DGKZ: variants seen among roughly 807,000 people sequenced by gnomAD.
The protein encoded by DGKZ is diacylglycerol kinase zeta.
A neutral mutation model predicts 142.5 loss-of-function variants in DGKZ; 45 were observed. That is an observed-to-expected ratio of 0.32 (90% CI 0.25 to 0.40). DGKZ has a LOEUF of 0.40. Ranked by LOEUF, DGKZ falls within the 10% of genes least tolerant of loss-of-function variation. DGKZ has a pLI of 1.00. For missense variants in DGKZ, 755 were observed against 1,306.5 expected (o/e 0.58, Z 6.51); for synonymous variants, 442 against 527.0 (o/e 0.84, Z 2.21).
chr11:46,366,507 C>A (rs1226933939), intron 1 of DGKZ: 19 of 1,587,320 alleles, frequency 1.2e-5, no homozygotes, highest in Non-Finnish European at 1.5e-5. Context: ...TCCTGCAACC[C>A]CCGCTTCATC....
At chr11:46,375,808 C>A in intron 20 of DGKZ, 43 bp from the exon 21 acceptor site, 1 of 1,543,934 alleles carries the variant, frequency 6.5e-7, no homozygotes, top group South Asian at 1.2e-5. Flanking sequence ...GGCACCAAGG[C>A]AGGGCCCTTG....
Position 46,367,087 on chromosome 11 carries a change from GA to G in DGKZ, c.162-202del. 7.2e-7 allele frequency: 1 copy of G among 1,396,756 alleles called. No individual in the cohort carries two copies. The highest frequency in any genetic ancestry group is 9.6e-7 in the Non-Finnish European group (1 of 1,039,718). The allele number at this position is 1,396,756 out of a possible 1,614,324, so 86.5% of individuals were successfully genotyped here. A position where few individuals can be genotyped will look rare whatever the true frequency, so the allele number is the denominator to read the frequency against. On this transcript the variant is annotated intron_variant, in intron 1 of 30. Transcript: ENST00000527911. This position sits in a 1 kb window ranked among gnomAD's most constrained non-coding sequence, Gnocchi z 4.1. ...GCCTGGCTGAGGGTTCCCCACTTGGGAACACTCTGGGCAGTACCCTGAAGCC... is the reference window on the plus strand; with the variant it reads ...GCCTGGCTGAGGGTTCCCCACTTGGGACACTCTGGGCAGTACCCTGAAGCC...
rs762042053 is a variant in DGKZ at position 46,371,391 on chromosome 11, G to T, written c.642+7G>T. On this transcript the variant is annotated splice_region_variant and intron_variant, in intron 7 of 30. Coordinates refer to ENST00000527911, the Ensembl canonical transcript of DGKZ. ...CTCGTGGTGCAAGCAGGCAGTGAGTGGTGCCCCCGCCCCCAGGGCCAGGCC... is the reference window on the plus strand; with the variant it reads ...CTCGTGGTGCAAGCAGGCAGTGAGTTGTGCCCCCGCCCCCAGGGCCAGGCC... The T allele has an allele frequency of 2.7e-5, 44 of 1,613,448 alleles. No individual in the cohort carries two copies. The highest frequency in any genetic ancestry group is 3.5e-5 in the Non-Finnish European group (41 of 1,179,842).
chr11:46,333,655 T>G (rs1206972551), intron 1 of DGKZ, among the ~76,000 whole-genome samples: 1 of 152,274 alleles, frequency 6.6e-6, no homozygotes, highest in East Asian at 1.9e-4. Flanking sequence ...GGAGGCAGCT[T>G]CTGAGACTCC....
chr11:46,374,361 G>A, intron 15 of DGKZ, 38 bp from the exon 16 acceptor site: 1 of 1,613,954 alleles, frequency 6.2e-7, no homozygotes, highest in Non-Finnish European at 8.5e-7. Context: ...GGGCAGGCTG[G>A]GGTGACTCAC....
intron 6 of DGKZ, among the ~76,000 whole-genome samples, chr11:46,370,394 G>A (rs998444610): frequency 2.6e-5 from 4 of 152,194 alleles, no homozygotes; most frequent in Admixed American, 6.5e-5. Context: ...CCAGGCGACC[G>A]CCTAACCCAG....
rs760545534 is a variant in DGKZ at position 46,372,118 on chromosome 11, C to T, written c.875C>T (p.Pro292Leu). 1.2e-6 allele frequency: 2 copies of T among 1,611,958 alleles called. No individual in the cohort carries two copies. The highest frequency in any genetic ancestry group is 1.7e-6 in the Non-Finnish European group (2 of 1,179,398). ...TTCATCATCAGGCCCACCCCCTCCC[C>T]GCTCATGAAGCCCCTGCTGGTGTTT... Residue 292 changes from proline to leucine, a missense_variant, in exon 10 of 31, where the codon CCG becomes CTG. Around this residue, in one of 8 missense-constraint regions of DGKZ, gnomAD observed 142 missense variants for 244.4 expected, o/e 0.58. Coordinates refer to ENST00000527911, the Ensembl canonical transcript of DGKZ. The surrounding 1 kb of genome is among the most constrained non-coding windows in gnomAD (Gnocchi z 5.9).
At chr11:46,358,822 G>A (rs1942316061) in intron 1 of DGKZ, among the ~76,000 whole-genome samples, 1 of 152,180 alleles carries the variant, frequency 6.6e-6, no homozygotes, top group African/African-American at 2.4e-5. Flanking sequence ...GATCAGTAGT[G>A]AAGTTAGTGT....
chr11:46,357,106 G>A (rs925896670), intron 1 of DGKZ, among the ~76,000 whole-genome samples: 1 of 152,126 alleles, frequency 6.6e-6, no homozygotes, highest in South Asian at 2.1e-4. Flanking sequence ...GGAATGGGTT[G>A]GTCATTTGTT....
chr11:46,362,548 G>A (rs1227839903), intron 1 of DGKZ, among the ~76,000 whole-genome samples: 1 of 152,028 alleles, frequency 6.6e-6, no homozygotes, highest in Non-Finnish European at 1.5e-5. Context: ...GGTATCACCA[G>A]GCACTCTCTC....
At chr11:46,351,968 G>C (rs999789827) in intron 1 of DGKZ, among the ~76,000 whole-genome samples, 1 of 152,220 alleles carries the variant, frequency 6.6e-6, no homozygotes, top group South Asian at 2.1e-4. Flanking sequence ...TGGCACAGGA[G>C]CTTGAGAGTT....
chr11:46,335,618 C>G lies in DGKZ; in HGVS notation c.212+2131C>G, dbSNP rs1257148280. 2.0e-5 allele frequency among the ~76,000 whole-genome samples: 3 copies of G among 152,166 alleles called. No individual in the cohort carries two copies. The East Asian group carries it at 5.8e-4, about 29-fold the overall frequency. On this transcript the variant is annotated intron_variant, in intron 1 of 30. Coordinates refer to the DGKZ transcript ENST00000343674. ...TTACCTGTGTGAGGGCGGCAGAAAA[C>G]AACACCAGGGTGGACTCTGCTGTCA...
intron 4 of DGKZ, 36 bp from the exon 5 acceptor site, chr11:46,369,458 T>C: frequency 6.2e-7 from 1 of 1,613,582 alleles, no homozygotes; most frequent in Non-Finnish European, 8.5e-7. Context: ...CGAAGGGAGG[T>C]TCTGACATTT....
At chr11:46,350,227 G>A (rs1361006178) in intron 1 of DGKZ, among the ~76,000 whole-genome samples, 2 of 152,150 alleles carry the variant, frequency 1.3e-5, no homozygotes, top group Non-Finnish European at 1.5e-5. Context: ...AGCTCACTGG[G>A]GCTGGCCTCC....
intron 1 of DGKZ, chr11:46,366,796 GC>G: frequency 6.5e-7 from 1 of 1,547,552 alleles, no homozygotes. Flanking sequence ...TCTGGGGCCT[GC>G]ACGGCTACTA....
chr11:46,360,488 CA>C (rs35812065), intron 1 of DGKZ, among the ~76,000 whole-genome samples: 29,636 of 96,022 alleles, frequency 0.31, 3,609 homozygotes, highest in African/African-American at 0.46. Flanking sequence ...CTTTCCTCAT[CA>C]AAAAAAAAAA....
Position 46,366,359 on chromosome 11 carries a change from C to G in DGKZ, c.162-932C>G, listed in dbSNP as rs369668814. On this transcript the variant is annotated intron_variant, in intron 1 of 30. Transcript: ENST00000527911. Reference sequence around the variant, plus strand: ...GGGGCTGCCCACAGGCAAGGCCCGGCGTCGCTCCCCCGCTGGGCAGGCCTC... The same window carrying G: ...GGGGCTGCCCACAGGCAAGGCCCGGGGTCGCTCCCCCGCTGGGCAGGCCTC... 11 of 1,528,462 alleles carry G rather than the reference C, an allele frequency of 7.2e-6. No individual in the cohort carries two copies. In the Admixed American group the frequency reaches 1.8e-4, roughly 25 times the overall value. The allele number at this position is 1,528,462 out of a possible 1,614,324, so 94.7% of individuals were successfully genotyped here. A position where few individuals can be genotyped will look rare whatever the true frequency, so the allele number is the denominator to read the frequency against.
intron 1 of DGKZ, among the ~76,000 whole-genome samples, chr11:46,356,704 A>G (rs1427214901): frequency 6.6e-6 from 1 of 152,130 alleles, no homozygotes; most frequent in Non-Finnish European, 1.5e-5. Context: ...GGTATGTGCC[A>G]TGGAACACAC....
upstream of DGKZ, chr11:46,345,605 T>C (rs1249844631): frequency 8.7e-6 from 13 of 1,491,854 alleles, no homozygotes; most frequent in Non-Finnish European, 1.2e-5. This position sits in a 1 kb window ranked among gnomAD's most constrained non-coding sequence, Gnocchi z 4.1. Flanking sequence ...AGGGGTGGCC[T>C]GGGAGTGGGC....
Sources: gnomAD v4.1 joint callset for allele counts (sites outside exome capture counted in the v4.1 genomes callset) on GRCh38, gnomAD v4.1.1 for gene constraint, gnomAD v4.1.1 regional missense constraint, Gnocchi (gnomAD v3.1) non-coding constraint, MANE v1.5 for transcripts, NCBI Gene and HGNC (gene_info 2026-07-23, HGNC 2026-07-21) for gene names.